DOCK2: variants seen among roughly 807,000 people sequenced by gnomAD.
DOCK2 encodes dedicator of cytokinesis protein 2.
A neutral mutation model predicts 248.9 loss-of-function variants in DOCK2; 87 were observed. The ratio of observed to expected loss-of-function variants is 0.35; its 90% confidence interval spans 0.29 to 0.42. The LOEUF (loss-of-function observed/expected upper bound fraction) is 0.42, where lower values mean the gene tolerates loss of function less well. Among genes scored for constraint, DOCK2 ranks in the 10% least tolerant of loss-of-function variants. The pLI, the probability that DOCK2 is intolerant of heterozygous loss-of-function variation, is 1.00. For missense variants in DOCK2, 1,747 were observed against 2,300.2 expected, an observed-to-expected ratio of 0.76 and a Z score of 4.92; for synonymous variants, 805 against 821.6, an observed-to-expected ratio of 0.98 and a Z score of 0.35.
chr5:169,901,256 C>T (rs929848719), intron 27 of DOCK2, among the ~76,000 whole-genome samples: 5 of 152,100 alleles, frequency 3.3e-5, no homozygotes, highest in Admixed American at 6.5e-5. Flanking sequence ...GGTATTTGGC[C>T]TTTGTAACAG....
At position 170,080,115 on chromosome 5, in the gene DOCK2, A is replaced by G. The variant is rs531638530; in HGVS notation, c.5167-48A>G. ...AGAGACCCAGATCTGCCTCATGCTAAGCCTCTGTCTTTGTGTGTGTGTGTG... is the reference window on the plus strand; with the variant it reads ...AGAGACCCAGATCTGCCTCATGCTAGGCCTCTGTCTTTGTGTGTGTGTGTG... On this transcript the variant is annotated intron_variant, in intron 49 of 51. Transcript: ENST00000520908. The G allele has an allele frequency of 1.9e-6, 3 of 1,607,066 alleles. No individual in the cohort carries two copies. The East Asian group carries it at 6.7e-5, about 36-fold the overall frequency.
chr5:169,729,685 A>T (rs1281969210), intron 22 of DOCK2, among the ~76,000 whole-genome samples: 1 of 152,188 alleles, frequency 6.6e-6, no homozygotes, highest in East Asian at 1.9e-4. Flanking sequence ...AAACATAGAG[A>T]AATGAATAAA....
At chr5:169,649,066 A>G (rs988571907) in intron 1 of DOCK2, among the ~76,000 whole-genome samples, 22 of 152,340 alleles carry the variant, frequency 1.4e-4, no homozygotes, top group African/African-American at 5.3e-4. Context: ...CTGCTTACGC[A>G]TTTCGATGAG....
intron 23 of DOCK2, among the ~76,000 whole-genome samples, chr5:169,752,814 C>T (rs190269226): frequency 2.9e-3 from 442 of 152,246 alleles, no homozygotes; most frequent in Middle Eastern, 6.8e-3. Context: ...CGCCTGTAAT[C>T]CCAGCACTTT....
At chr5:169,666,437 T>C (rs1758738872) in intron 2 of DOCK2, among the ~76,000 whole-genome samples, 1 of 152,220 alleles carries the variant, frequency 6.6e-6, no homozygotes, top group Non-Finnish European at 1.5e-5. Flanking sequence ...CTTGTTATTG[T>C]TGAATTCAAA....
intron 13 of DOCK2, among the ~76,000 whole-genome samples, chr5:169,700,977 A>G (rs1410420988): frequency 1.3e-5 from 2 of 151,866 alleles, no homozygotes; most frequent in Non-Finnish European, 2.9e-5. Context: ...GAAACAGCCT[A>G]TTTTCCAGAC....
intron 27 of DOCK2, among the ~76,000 whole-genome samples, chr5:169,865,511 G>A (rs935828106): frequency 5.9e-5 from 9 of 152,204 alleles, no homozygotes; most frequent in African/African-American, 1.7e-4. Context: ...ATCCCTGTGG[G>A]CTGAGCACGG....
At chr5:169,854,552 GT>G (rs1477159505) in intron 27 of DOCK2, among the ~76,000 whole-genome samples, 1 of 152,194 alleles carries the variant, frequency 6.6e-6, no homozygotes, top group Non-Finnish European at 1.5e-5. Flanking sequence ...GAGGCACAGG[GT>G]TTCATTTTAA....
intron 35 of DOCK2, 65 bp from the exon 36 acceptor site, chr5:170,036,445 TCACCA>T: frequency 6.7e-7 from 1 of 1,499,410 alleles, no homozygotes; most frequent in South Asian, 1.2e-5. Flanking sequence ...CTCATCTTCA[TCACCA>T]CACCCTTGAC....
intron 9 of DOCK2, among the ~76,000 whole-genome samples, chr5:169,692,109 C>T (rs1485538360): frequency 1.3e-5 from 2 of 152,168 alleles, no homozygotes; most frequent in Non-Finnish European, 2.9e-5. Context: ...CCACCTCAGC[C>T]TCCCAAAGTG....
chr5:169,963,921 A>G (rs1460779263), intron 27 of DOCK2, among the ~76,000 whole-genome samples: 3 of 152,018 alleles, frequency 2.0e-5, no homozygotes, highest in South Asian at 4.2e-4. Context: ...CATTTCAAAT[A>G]AGTTTTCGGA....
At chr5:170,053,401 T>C (rs1275764381) in intron 41 of DOCK2, among the ~76,000 whole-genome samples, 1 of 152,236 alleles carries the variant, frequency 6.6e-6, no homozygotes, top group East Asian at 1.9e-4. Context: ...AACCCAAAAA[T>C]GCGCGGGTAT....
At chr5:170,019,631 G>A (rs776425735) in intron 33 of DOCK2, among the ~76,000 whole-genome samples, 4 of 152,146 alleles carry the variant, frequency 2.6e-5, no homozygotes, top group South Asian at 2.1e-4. Context: ...CATGGAGGGC[G>A]CCAGAACCTC....
intron 8 of DOCK2, among the ~76,000 whole-genome samples, chr5:169,687,314 G>T (rs536174416): frequency 2.0e-5 from 3 of 152,214 alleles, no homozygotes; most frequent in African/African-American, 7.2e-5. Context: ...CACAAAAGAT[G>T]AAAAGATCCA....
intron 27 of DOCK2, among the ~76,000 whole-genome samples, chr5:169,947,833 C>T (rs1776506684): frequency 6.6e-6 from 1 of 151,492 alleles, no homozygotes; most frequent in South Asian, 2.2e-4. Flanking sequence ...TAAATACATA[C>T]AGCATAAATA....
chr5:170,077,602 C>A, intron 47 of DOCK2, 108 bp from the exon 48 acceptor site: 1 of 1,505,814 alleles, frequency 6.6e-7, no homozygotes, highest in Non-Finnish European at 9.0e-7. Flanking sequence ...TGATGCTCCA[C>A]TCAGCCCCAC....
chr5:169,913,910 C>T (rs1410378166), intron 27 of DOCK2, among the ~76,000 whole-genome samples: 1 of 152,066 alleles, frequency 6.6e-6, no homozygotes, highest in Non-Finnish European at 1.5e-5. Context: ...TTCCAGTTGC[C>T]AAGATGATAA....
intron 27 of DOCK2, among the ~76,000 whole-genome samples, chr5:169,904,018 G>A (rs1448869037): frequency 6.6e-6 from 1 of 151,268 alleles, no homozygotes; most frequent in Non-Finnish European, 1.5e-5. Context: ...GCTTGAGCCT[G>A]GGAGGCAGAG....
chr5:169,820,956 G>A (rs1768396945), intron 26 of DOCK2, among the ~76,000 whole-genome samples: 1 of 152,334 alleles, frequency 6.6e-6, no homozygotes, highest in South Asian at 2.1e-4. Context: ...CACGGCACGA[G>A]AACTACGTGA....
Sources: allele counts gnomAD v4.1 joint callset (sites outside exome capture counted in the v4.1 genomes callset), GRCh38; gene constraint gnomAD v4.1.1; transcripts MANE v1.5; gene names NCBI Gene and HGNC (gene_info 2026-07-23, HGNC 2026-07-21).